The following GPSM2 variants were observed in gnomAD, a reference collection of about 807,000 sequenced individuals.
GPSM2 encodes the protein G protein signaling modulator 2.
In GPSM2, 58 loss-of-function variants were observed where a neutral mutation model predicts 78.4. The observed-to-expected ratio is 0.74, with a 90% confidence interval of 0.60 to 0.92. The LOEUF (loss-of-function observed/expected upper bound fraction) is 0.92, where lower values mean the gene tolerates loss of function less well. GPSM2 is among the 40% of genes least tolerant of loss of function. GPSM2 has a pLI of 0.00. For synonymous variants in GPSM2, 224 were observed against 280.2 expected (o/e 0.80, Z 2.00); for missense variants, 700 against 815.5 (o/e 0.86, Z 1.73).
intron 2 of GPSM2, among the ~76,000 whole-genome samples, chr1:108,894,666 C>G (rs558067664): frequency 6.6e-5 from 10 of 152,116 alleles, no homozygotes; most frequent in African/African-American, 2.4e-4. Flanking sequence ...CTGCTGCACT[C>G]CAGCCTGAGT....
chr1:108,931,248 A>G lies in GPSM2; in HGVS notation c.*1308A>G, dbSNP rs1651901159. Reference sequence around the variant, plus strand: ...AAACAGATGAAAACTCACAAAAATTAAATATGAAAGAAAGATGTCAGCTAG... The same window carrying G: ...AAACAGATGAAAACTCACAAAAATTGAATATGAAAGAAAGATGTCAGCTAG... On this transcript the variant is annotated 3_prime_UTR_variant, in exon 15 of 15. Transcript: ENST00000264126. 1 of 1,425,564 alleles carries G rather than the reference A, an allele frequency of 7.0e-7. No homozygotes were observed. The highest frequency in any genetic ancestry group is 9.3e-7 in the Non-Finnish European group (1 of 1,076,952). The allele number at this position is 1,425,564 out of a possible 1,614,324, so 88.3% of individuals were successfully genotyped here.
chr1:108,897,131 A>G (rs1648428359), intron 3 of GPSM2, 46 bp downstream of exon 3: 1 of 1,323,714 alleles, frequency 7.6e-7, no homozygotes. Flanking sequence ...GAAATTAGCT[A>G]TTACTTTAAA....
At chr1:108,905,963 G>A (rs1005863581) in intron 10 of GPSM2, among the ~76,000 whole-genome samples, 4 of 152,078 alleles carry the variant, frequency 2.6e-5, no homozygotes, top group Non-Finnish European at 5.9e-5. Context: ...ATCTCATCCA[G>A]TTACTTGGCT....
At chr1:108,887,574 G>C (rs1435443704) in intron 2 of GPSM2, among the ~76,000 whole-genome samples, 3 of 152,154 alleles carry the variant, frequency 2.0e-5, no homozygotes, top group Admixed American at 2.0e-4. Context: ...TTCCTTGGAT[G>C]GCCTAGAATG....
intron 8 of GPSM2, among the ~76,000 whole-genome samples, chr1:108,902,314 G>A (rs1036438692): frequency 6.6e-6 from 1 of 151,656 alleles, no homozygotes; most frequent in Non-Finnish European, 1.5e-5. Context: ...CCAGGAGGTG[G>A]AGGTTGCAGT....
intron 12 of GPSM2, 61 bp downstream of exon 12, chr1:108,918,850 T>A: frequency 9.6e-7 from 1 of 1,041,114 alleles, no homozygotes; most frequent in South Asian, 1.3e-5. Flanking sequence ...GGTTTTCTTG[T>A]ATTCATGCTG....
intron 7 of GPSM2, among the ~76,000 whole-genome samples, chr1:108,900,216 T>C (rs1248320117): frequency 6.6e-6 from 1 of 151,994 alleles, no homozygotes; most frequent in Non-Finnish European, 1.5e-5. Flanking sequence ...AGAAATATTT[T>C]TAGAACTCTT....
At chr1:108,908,005 T>C (rs981587230) in intron 10 of GPSM2, among the ~76,000 whole-genome samples, 1 of 152,244 alleles carries the variant, frequency 6.6e-6, no homozygotes, top group Non-Finnish European at 1.5e-5. Context: ...TAATGCAATA[T>C]TTTGCAAACT....
chr1:108,917,301 C>T (rs1035924627), intron 11 of GPSM2, among the ~76,000 whole-genome samples: 1 of 151,972 alleles, frequency 6.6e-6, no homozygotes, highest in Non-Finnish European at 1.5e-5. Context: ...GGCGCAGTGG[C>T]TCACGCCTGT....
At chr1:108,903,082 C>T (rs1347169332) in intron 8 of GPSM2, 44 bp from the exon 9 acceptor site, 2 of 1,132,274 alleles carry the variant, frequency 1.8e-6, no homozygotes, top group Middle Eastern at 1.9e-4. Context: ...ATACATAGGA[C>T]CTCTTTTCAA....
intron 14 of GPSM2, among the ~76,000 whole-genome samples, chr1:108,925,275 G>T (rs1173190760): frequency 6.6e-6 from 1 of 152,216 alleles, no homozygotes; most frequent in African/African-American, 2.4e-5. Flanking sequence ...TCAAGGAATG[G>T]CAAGTGTGAC....
At chr1:108,907,157 T>C (rs769351521) in intron 10 of GPSM2, among the ~76,000 whole-genome samples, 3 of 152,220 alleles carry the variant, frequency 2.0e-5, no homozygotes, top group African/African-American at 7.2e-5. Flanking sequence ...TGGTCTCTTT[T>C]GTTCATTGCC....
At chr1:108,886,185 G>T (rs1004819688) in intron 2 of GPSM2, among the ~76,000 whole-genome samples, 1 of 152,026 alleles carries the variant, frequency 6.6e-6, no homozygotes, top group African/African-American at 2.4e-5. Flanking sequence ...GTGTGCCACT[G>T]CACCTGGCTT....
chr1:108,932,070 C>G lies in GPSM2; in HGVS notation c.*2130C>G, dbSNP rs200561597. 2 of 152,326 alleles carry G rather than the reference C, an allele frequency of 1.3e-5. No individual in the cohort carries two copies. Among genetic ancestry groups the G allele is most frequent in the African/African-American group, 4.8e-5 (2 of 41,514 alleles). 9.4% of individuals were successfully genotyped at this position (152,326 alleles called of 1,614,324 possible). A position where few individuals can be genotyped will look rare whatever the true frequency, so the allele number is the denominator to read the frequency against. ...GGCGGGTCACTTGAGGTCAGGAGTTCGAGACCAGCCTGACCAACATGGTGA... is the reference window on the plus strand; with the variant it reads ...GGCGGGTCACTTGAGGTCAGGAGTTGGAGACCAGCCTGACCAACATGGTGA... On this transcript the variant is annotated 3_prime_UTR_variant, in exon 15 of 15. Coordinates refer to ENST00000264126, the MANE Select transcript of GPSM2 (RefSeq NM_013296.5).
Position 108,922,430 on chromosome 1 carries a change from A to AT in GPSM2, c.1455dup (p.Thr486TyrfsTer5). 1 of 1,609,574 alleles carries AT rather than the reference A, an allele frequency of 6.2e-7. No individual in the cohort carries two copies. Among genetic ancestry groups the AT allele is most frequent in the Non-Finnish European group, 8.5e-7 (1 of 1,175,970 alleles). On this transcript the variant is annotated frameshift_variant, in exon 13 of 15. Coordinates refer to ENST00000264126, the MANE Select transcript of GPSM2 (RefSeq NM_013296.5). LOFTEE classifies it high-confidence loss of function. Reference sequence around the variant, plus strand: ...TCAATATTTTAGAAAATCAGTGCAGATACTATTGGAGATGAAGGGTTCTTT... The same window carrying AT: ...TCAATATTTTAGAAAATCAGTGCAGATTACTATTGGAGATGAAGGGTTCTTT...
intron 11 of GPSM2, among the ~76,000 whole-genome samples, chr1:108,914,952 G>A (rs1301605086): frequency 6.6e-6 from 1 of 151,998 alleles, no homozygotes; most frequent in Non-Finnish European, 1.5e-5. Context: ...ATCTTCCCTA[G>A]GCTTTTTCTT....
chr1:108,911,781 T>C (rs548928599), intron 10 of GPSM2, among the ~76,000 whole-genome samples: 2 of 148,348 alleles, frequency 1.3e-5, no homozygotes, highest in African/African-American at 2.5e-5. Flanking sequence ...TGATAAACCA[T>C]ACTCAAGTGG....
intron 10 of GPSM2, among the ~76,000 whole-genome samples, chr1:108,908,479 C>G (rs560470685): frequency 6.6e-6 from 1 of 151,670 alleles, no homozygotes; most frequent in South Asian, 2.1e-4. Flanking sequence ...GTCAGGAGAT[C>G]GAGACCATCT....
intron 10 of GPSM2, among the ~76,000 whole-genome samples, chr1:108,910,557 A>T (rs1479687137): frequency 6.6e-6 from 1 of 152,248 alleles, no homozygotes; most frequent in Non-Finnish European, 1.5e-5. Context: ...AAGCAAATCC[A>T]GTAATGTATT....
Sources: allele counts gnomAD v4.1 joint callset (sites outside exome capture counted in the v4.1 genomes callset), GRCh38; gene constraint gnomAD v4.1.1; transcripts MANE v1.5; gene names NCBI Gene and HGNC (gene_info 2026-07-23, HGNC 2026-07-21).